Variants in AGPAT2 observed in about 807,000 individuals in gnomAD.
AGPAT2 encodes 1-acylglycerol-3-phosphate O-acyltransferase 2, also known as 1-acyl-sn-glycerol-3-phosphate acyltransferase beta.
A neutral mutation model predicts 26.1 loss-of-function variants in AGPAT2; 18 were observed. That is an observed-to-expected ratio of 0.69 (90% CI 0.48 to 1.02). The LOEUF (loss-of-function observed/expected upper bound fraction) is 1.02. AGPAT2 is among the 50% of genes least tolerant of loss of function. The pLI is 0.00. For missense variants in AGPAT2, 415 were observed against 394.9 expected (o/e 1.05, Z -0.43); for synonymous variants, 200 against 174.2 (o/e 1.15, Z -1.16).
chr9:136,674,139 G>A (rs948648056), intron 5 of AGPAT2, among the ~76,000 whole-genome samples: 1 of 152,010 alleles, frequency 6.6e-6, no homozygotes, highest in Non-Finnish European at 1.5e-5. Context: ...CCTTCACGCC[G>A]CATTTTCGAC....
At chr9:136,680,029 C>A (rs903664046) in intron 1 of AGPAT2, among the ~76,000 whole-genome samples, 2 of 152,182 alleles carry the variant, frequency 1.3e-5, no homozygotes, top group East Asian at 3.8e-4. Context: ...AATTAGGGTC[C>A]ATTTCACAGA....
At chr9:136,687,138 G>A (rs750143800) in intron 1 of AGPAT2, 38 bp downstream of exon 1, 2 of 1,559,252 alleles carry the variant, frequency 1.3e-6, no homozygotes, top group Non-Finnish European at 1.7e-6. Flanking sequence ...AAGCGGCGCG[G>A]CGGTTCCCCG....
chr9:136,678,795 ACACAATGTGTCACATT>A (rs757810520), intron 1 of AGPAT2, among the ~76,000 whole-genome samples: 17,254 of 152,022 alleles, frequency 0.11, 1,075 homozygotes, highest in Middle Eastern at 0.19. Context: ...TTGCTCTGTG[ACACAATGTGTCACATT>A]GTGCAGTGTC....
intron 1 of AGPAT2, among the ~76,000 whole-genome samples, chr9:136,683,617 A>C (rs1846188443): frequency 6.6e-6 from 1 of 152,202 alleles, no homozygotes; most frequent in African/African-American, 2.4e-5. Flanking sequence ...TCCAGCCCAC[A>C]CAAACACCCG....
chr9:136,677,436 G>A lies in AGPAT2; in HGVS notation c.303C>T (p.Ile101=). 1 of 1,613,238 alleles carries A rather than the reference G, an allele frequency of 6.2e-7. No individual in the cohort carries two copies. Among genetic ancestry groups the A allele is most frequent in the Non-Finnish European group, 8.5e-7 (1 of 1,179,946 alleles). The change falls in exon 2 of 6, where the codon ATC becomes ATT. Residue 101 remains isoleucine, a synonymous_variant. Coordinates refer to ENST00000371696, the MANE Select transcript of AGPAT2 (RefSeq NM_006412.4). Reference sequence around the variant, plus strand: ...GGCCCGGCCTACCCATCATGTCCAGGATGCTCTGGTGGTTGGAGACGATGA... The same window carrying A: ...GGCCCGGCCTACCCATCATGTCCAGAATGCTCTGGTGGTTGGAGACGATGA... The part of the protein sequence containing the change: ...PCVIVSNHQS[I]LDMMGLMEVL...
At chr9:136,676,713 C>G in intron 3 of AGPAT2, 33 bp from the exon 4 acceptor site, 1 of 1,591,858 alleles carries the variant, frequency 6.3e-7, no homozygotes, top group East Asian at 2.2e-5. Flanking sequence ...ACTGACCTCA[C>G]GCCCAGGCCA....
At position 136,685,805 on chromosome 9, in the gene AGPAT2, C is replaced by T. The variant is rs577166131; in HGVS notation, c.182+1371G>A. Among the ~76,000 whole-genome samples the T allele has an allele frequency of 2.9e-3, 443 of 152,308 alleles. 2 individuals carry two copies. Among genetic ancestry groups the T allele is most frequent in the Non-Finnish European group, 4.8e-3 (327 of 67,998 alleles). On this transcript the variant is annotated intron_variant, in intron 1 of 5. Transcript: ENST00000371696. ...GGCCCCTCACAGAGACCCCTGCCTA[C>T]AGGGGATCCCAGGGCCAGAACCACA... is the stretch of plus-strand genomic sequence containing the variant.
At position 136,687,315 on chromosome 9, in the gene AGPAT2, G is replaced by A; in HGVS notation, c.43C>T (p.Leu15=). ...GCGCGGCTCAGCTGCACCAGCAGCA[G>A]CAGCAACAGCAGCGCCGCGGCCAGA... The part of the protein sequence containing the change: ...PCLAAALLLL[L]LLVQLSRAAE... The change falls in exon 1 of 6, where the codon CTG becomes TTG. Residue 15 remains leucine (L), a synonymous_variant. Transcript: ENST00000371696. 3.8e-6 allele frequency: 6 copies of A among 1,572,490 alleles called. No individual in the cohort carries two copies. Among genetic ancestry groups the A allele is most frequent in the Non-Finnish European group, 5.1e-6 (6 of 1,165,604 alleles).
intron 1 of AGPAT2, 26 bp downstream of exon 1, chr9:136,687,150 C>T (rs771038142): frequency 6.4e-7 from 1 of 1,570,888 alleles, no homozygotes; most frequent in Non-Finnish European, 8.6e-7. Context: ...GGTTCCCCGG[C>T]CCCTCCCGGC....
Position 136,673,651 on chromosome 9 carries a change from GAC to G in AGPAT2, c.*99_*100del. ...GGCTGAGTGAGAGCTGGGGGAGCCG[GAC>G]AGAGTGGTATTTGGAAGCCGGGAGG... On this transcript the variant is annotated 3_prime_UTR_variant, in exon 6 of 6. Coordinates refer to ENST00000371696, the MANE Select transcript of AGPAT2 (RefSeq NM_006412.4). 4 of 1,303,086 alleles carry G rather than the reference GAC, an allele frequency of 3.1e-6. No individual in the cohort carries two copies. In the South Asian group the frequency reaches 4.7e-5, roughly 15 times the overall value. The allele number at this position is 1,303,086 out of a possible 1,614,324, so 80.7% of individuals were successfully genotyped here. A position where few individuals can be genotyped will look rare whatever the true frequency, so the allele number is the denominator to read the frequency against.
chr9:136,673,564 C>T lies in AGPAT2; in HGVS notation c.*188G>A. On this transcript the variant is annotated 3_prime_UTR_variant, in exon 6 of 6. Transcript: ENST00000371696. Reference sequence around the variant, plus strand: ...CCCGGGGAGGGTCCAGCTGAGCCCCCTGCAGGGGACACCAGGGGCCTGTGT... The same window carrying T: ...CCCGGGGAGGGTCCAGCTGAGCCCCTTGCAGGGGACACCAGGGGCCTGTGT... 3.3e-6 allele frequency: 2 copies of T among 609,646 alleles called. No homozygotes were observed. The highest frequency in any genetic ancestry group is 1.9e-5 in the African/African-American group (1 of 51,984). The allele number at this position is 609,646 out of a possible 1,614,324, so 37.8% of individuals were successfully genotyped here. A position where few individuals can be genotyped will look rare whatever the true frequency, so the allele number is the denominator to read the frequency against.
rs1846105825 is a variant in AGPAT2 at position 136,677,371 on chromosome 9, G to C, written c.316+52C>G. On this transcript the variant is annotated intron_variant, in intron 2 of 5. Transcript: ENST00000371696. ...CGGGACCCAGCCCCACACAGCCCCA[G>C]CTCAGCCGGCCCCACTCAAACCCCA... is the stretch of plus-strand genomic sequence containing the variant. 7 of 1,611,928 alleles carry C rather than the reference G, an allele frequency of 4.3e-6. No homozygotes were observed. In the South Asian group the frequency reaches 7.7e-5, roughly 18 times the overall value.
In AGPAT2 at chr9:136,677,413, C is replaced by T. The variant is rs551212896; in HGVS notation, c.316+10G>A. 6.2e-7 allele frequency: 1 copy of T among 1,613,190 alleles called. No homozygotes were observed. The highest frequency in any genetic ancestry group is 1.3e-5 in the African/African-American group (1 of 75,060). On this transcript the variant is annotated intron_variant, in intron 2 of 5. Transcript: ENST00000371696. ...CAAACCCCAGAAGCCACCCCCGAGG[C>T]CCGGCCTACCCATCATGTCCAGGAT...
At chr9:136,674,045 C>G in intron 5 of AGPAT2, 118 bp from the exon 6 acceptor site, 1 of 1,024,256 alleles carries the variant, frequency 9.8e-7, no homozygotes, top group Non-Finnish European at 1.3e-6. Context: ...AGCCCGAGGC[C>G]GGGCTCTTCC....
intron 1 of AGPAT2, among the ~76,000 whole-genome samples, chr9:136,684,967 G>A (rs1007413151): frequency 2.0e-5 from 3 of 152,106 alleles, no homozygotes; most frequent in Admixed American, 6.6e-5. Flanking sequence ...CACCCCTCCC[G>A]ACGGCCCCCA....
chr9:136,687,336 C>G lies in AGPAT2; in HGVS notation c.22G>C (p.Ala8Pro), dbSNP rs769132436. 3.2e-6 allele frequency: 5 copies of G among 1,552,480 alleles called. No individual in the cohort carries two copies. Among genetic ancestry groups the G allele is most frequent in the Non-Finnish European group, 4.3e-6 (5 of 1,157,402 alleles). Residue 8 changes from alanine (A) to proline (P), a missense_variant, in exon 1 of 6, where the codon GCC becomes CCC. Transcript: ENST00000371696. MELWPCL[A>P]AALLLLLLLV... The stretch of plus-strand genomic sequence containing the variant: ...AGCAGCAGCAACAGCAGCGCCGCGG[C>G]CAGACACGGCCACAGCTCCATGGCC...
chr9:136,682,271 G>T (rs538708126), intron 1 of AGPAT2, among the ~76,000 whole-genome samples: 2 of 152,124 alleles, frequency 1.3e-5, no homozygotes, highest in East Asian at 3.9e-4. Flanking sequence ...AGCTTGCTCC[G>T]GCCTCCCCCA....
chr9:136,676,386 G>C (rs182977312), intron 4 of AGPAT2, among the ~76,000 whole-genome samples, 199 bp downstream of exon 4: 2,063 of 152,332 alleles, frequency 0.014, 41 homozygotes, highest in African/African-American at 0.047. Flanking sequence ...GTGGGCAAAA[G>C]GCCCAAGGGG....
intron 1 of AGPAT2, 30 bp downstream of exon 1, chr9:136,687,146 C>CCGGCCCCTCCCGG: frequency 1.3e-6 from 2 of 1,567,424 alleles, no homozygotes; most frequent in South Asian, 1.1e-5. Flanking sequence ...CGGCGGTTCC[C>CCGGCCCCTCCCGG]CGGCCCCTCC....
Sources: gnomAD v4.1 joint callset for allele counts (sites outside exome capture counted in the v4.1 genomes callset) on GRCh38, gnomAD v4.1.1 for gene constraint, MANE v1.5 for transcripts, NCBI Gene and HGNC (gene_info 2026-07-23, HGNC 2026-07-21) for gene names.